GNAT3: variants seen among roughly 807,000 people sequenced by gnomAD.
GNAT3 encodes the protein guanine nucleotide-binding protein G(t) subunit alpha-3.
A neutral mutation model predicts 37.7 loss-of-function variants in GNAT3; 31 were observed. The observed-to-expected ratio is 0.82, with a 90% CI of 0.62 to 1.11. GNAT3 has a LOEUF of 1.11. GNAT3 is among the 50% of genes most tolerant of loss of function. The pLI, the probability that GNAT3 is intolerant of heterozygous loss-of-function variation, is 0.00. For missense variants in GNAT3, 437 were observed against 412.5 expected, an observed-to-expected ratio of 1.06 and a Z score of -0.51; for synonymous variants, 138 against 139.8, an observed-to-expected ratio of 0.99 and a Z score of 0.09.
chr7:80,481,821 A>T (rs1393781354), intron 3 of GNAT3, among the ~76,000 whole-genome samples: 5 of 151,914 alleles, frequency 3.3e-5, no homozygotes, highest in Non-Finnish European at 5.9e-5. Context: ...TAACCTAGAG[A>T]CTCCTTTCTA....
At chr7:80,470,916 G>A (rs1326902900) in intron 5 of GNAT3, among the ~76,000 whole-genome samples, 2 of 151,674 alleles carry the variant, frequency 1.3e-5, no homozygotes, top group Non-Finnish European at 2.9e-5. Context: ...TACTGATTCT[G>A]GGTGTGTCTG....
chr7:80,473,703 A>G (rs1461701226), intron 5 of GNAT3, among the ~76,000 whole-genome samples: 1 of 152,150 alleles, frequency 6.6e-6, no homozygotes, highest in Non-Finnish European at 1.5e-5. Context: ...TAGAATTTCT[A>G]GGAAGCTCTC....
intron 1 of GNAT3, among the ~76,000 whole-genome samples, chr7:80,505,210 G>A (rs1265539864): frequency 1.3e-5 from 2 of 152,148 alleles, no homozygotes; most frequent in Non-Finnish European, 2.9e-5. Context: ...GAAGATTACG[G>A]AGGTGAAATA....
chr7:80,487,341 G>C (rs1489255392), intron 3 of GNAT3, among the ~76,000 whole-genome samples: 1 of 152,146 alleles, frequency 6.6e-6, no homozygotes, highest in Non-Finnish European at 1.5e-5. Context: ...ACTGTAGCCA[G>C]AGAGATAGAT....
chr7:80,509,214 T>C lies in GNAT3; in HGVS notation c.118+2595A>G, dbSNP rs570566130. On this transcript the variant is annotated intron_variant, in intron 1 of 7. Transcript: ENST00000398291. ...AAAATTACAGTTTCGAGAATTTGAA[T>C]TCAATCCAAACATGAGAATGAAGTA... Among the ~76,000 whole-genome samples the C allele has an allele frequency of 4.6e-5, 7 of 152,226 alleles. No individual in the cohort carries two copies. In the South Asian group the frequency reaches 8.3e-4, roughly 18 times the overall value.
intron 6 of GNAT3, 35 bp downstream of exon 6, chr7:80,462,467 T>C: frequency 6.2e-7 from 1 of 1,607,328 alleles, no homozygotes; most frequent in East Asian, 2.2e-5. Context: ...CAAAGATTAC[T>C]TTTAACCCTG....
At chr7:80,475,118 C>T (rs1790282350) in intron 4 of GNAT3, among the ~76,000 whole-genome samples, 1 of 151,928 alleles carries the variant, frequency 6.6e-6, no homozygotes, top group Admixed American at 6.6e-5. Context: ...CCACTGTCCC[C>T]ACTCCCACCT....
At chr7:80,475,777 C>T (rs1790292639) in intron 4 of GNAT3, among the ~76,000 whole-genome samples, 1 of 151,906 alleles carries the variant, frequency 6.6e-6, no homozygotes, top group African/African-American at 2.4e-5. Context: ...TAAGCTGAAA[C>T]AAATTAAGGT....
chr7:80,468,407 A>G (rs1389756354), intron 5 of GNAT3, among the ~76,000 whole-genome samples: 2 of 152,132 alleles, frequency 1.3e-5, no homozygotes, highest in East Asian at 1.9e-4. Context: ...TGCTTATCCT[A>G]TAAGCATGTA....
At chr7:80,503,312 A>G (rs76629473) in intron 1 of GNAT3, among the ~76,000 whole-genome samples, 6,469 of 152,246 alleles carry the variant, frequency 0.042, 466 homozygotes, top group African/African-American at 0.15. Context: ...TTCAATAAAG[A>G]ACAAAAGCAG....
At chr7:80,501,944 G>A (rs1392546124) in intron 1 of GNAT3, among the ~76,000 whole-genome samples, 1 of 151,894 alleles carries the variant, frequency 6.6e-6, no homozygotes, top group East Asian at 1.9e-4. Flanking sequence ...TCATGAGAAA[G>A]AATATTGTAG....
rs113411327 is a variant in GNAT3 at position 80,496,743 on chromosome 7, G to A, written c.119-2096C>T. Among the ~76,000 whole-genome samples the A allele has an allele frequency of 2.3e-3, 344 of 152,150 alleles. 1 individual carries two copies. The highest frequency in any genetic ancestry group is 8.1e-3 in the South Asian group (39 of 4,832). On this transcript the variant is annotated intron_variant, in intron 1 of 7. Coordinates refer to ENST00000398291, the MANE Select transcript of GNAT3 (RefSeq NM_001102386.3). ...AATGAGATTTTGTCCTTTGTACTGC[G>A]CATCATTTTTTCCTCACTGAAATGT...
chr7:80,490,205 C>T (rs1001133932), intron 2 of GNAT3, among the ~76,000 whole-genome samples: 7 of 152,102 alleles, frequency 4.6e-5, no homozygotes, highest in South Asian at 2.1e-4. Context: ...CTGTATAATA[C>T]ATTAGTCACT....
intron 7 of GNAT3, 39 bp downstream of exon 7, chr7:80,462,120 A>G (rs754230307): frequency 1.5e-6 from 2 of 1,303,478 alleles, no homozygotes; most frequent in Non-Finnish European, 1.1e-6. Context: ...TATTTATACA[A>G]AAATTTATTT....
intron 5 of GNAT3, among the ~76,000 whole-genome samples, chr7:80,474,011 C>T (rs1471313568): frequency 6.6e-6 from 1 of 152,002 alleles, no homozygotes; most frequent in Non-Finnish European, 1.5e-5. Context: ...AAAATCTAGT[C>T]CCCACCTGCT....
At chr7:80,481,952 T>G (rs1310865754) in intron 3 of GNAT3, among the ~76,000 whole-genome samples, 3 of 152,210 alleles carry the variant, frequency 2.0e-5, no homozygotes, top group Admixed American at 2.0e-4. Flanking sequence ...CCGCTTCAAA[T>G]TGTCCTGCCT....
chr7:80,465,944 A>C (rs1790122713), intron 5 of GNAT3, among the ~76,000 whole-genome samples: 1 of 151,860 alleles, frequency 6.6e-6, no homozygotes, highest in African/African-American at 2.4e-5. Flanking sequence ...GATTTGGGGG[A>C]CCTGAGGGTA....
intron 3 of GNAT3, chr7:80,486,401 C>T (rs1454358507): frequency 1.3e-5 from 2 of 151,346 alleles, no homozygotes; most frequent in African/African-American, 4.9e-5. Flanking sequence ...TTTTCACTTC[C>T]CCTATATGTC....
intron 1 of GNAT3, among the ~76,000 whole-genome samples, chr7:80,501,289 A>G (rs983261672): frequency 6.6e-6 from 1 of 151,898 alleles, no homozygotes; most frequent in East Asian, 1.9e-4. Context: ...TTTCTGAATT[A>G]TTTGTCCTGT....
Sources: gnomAD v4.1 joint callset for allele counts (sites outside exome capture counted in the v4.1 genomes callset) on GRCh38, gnomAD v4.1.1 for gene constraint, MANE v1.5 for transcripts, NCBI Gene and HGNC (gene_info 2026-07-23, HGNC 2026-07-21) for gene names.